Variants in CAST observed in about 807,000 individuals in gnomAD.
CAST encodes calpastatin.
Under a neutral mutation model 119.6 loss-of-function variants are expected in CAST, and 76 were observed. The observed-to-expected ratio is 0.64, with a 90% CI of 0.53 to 0.77. The LOEUF is 0.77. Ranked by LOEUF, CAST falls within the 30% of genes least tolerant of loss-of-function variation. The pLI, the probability that CAST is intolerant of heterozygous loss-of-function variation, is 0.00. For missense variants in CAST, 953 were observed against 946.5 expected (o/e 1.01, Z -0.09); for synonymous variants, 319 against 331.6 (o/e 0.96, Z 0.41).
chr5:96,740,121 A>T lies in CAST; in HGVS notation c.879+3A>T, dbSNP rs760721552. 8 of 1,303,132 alleles carry T rather than the reference A, an allele frequency of 6.1e-6. No individual in the cohort carries two copies. In the South Asian group the frequency reaches 6.4e-5, roughly 10 times the overall value. 80.7% of individuals were successfully genotyped at this position (1,303,132 alleles called of 1,614,324 possible). ...CAAAATATAGGGAACTATTGGCTGT[A>T]AGTTAAATAATCATTTACTTTTATT... On this transcript the variant is annotated splice_donor_region_variant and intron_variant, in intron 12 of 31. Coordinates refer to ENST00000675179, the MANE Select transcript of CAST (RefSeq NM_001750.7).
At chr5:96,272,928 G>A in the CAST span, among the ~76,000 whole-genome samples, 797 of 152,088 alleles carry the variant, frequency 5.2e-3, 7 homozygotes, top group African/African-American at 0.018. Context: ...AGCAAGAGGA[G>A]GATTTCATGA....
intron 1 of CAST, among the ~76,000 whole-genome samples, chr5:96,647,150 G>T (rs184706366): frequency 2.8e-4 from 43 of 152,174 alleles, no homozygotes; most frequent in African/African-American, 1.0e-3. Context: ...TGACATACAC[G>T]GATCGGAGGA....
At chr5:96,484,775 T>G in the CAST span, among the ~76,000 whole-genome samples, 2 of 152,162 alleles carry the variant, frequency 1.3e-5, no homozygotes, top group Admixed American at 6.5e-5. Context: ...ATCATTAGCA[T>G]GATCACAGAC....
the CAST span, among the ~76,000 whole-genome samples, chr5:96,269,460 G>A: frequency 6.6e-6 from 1 of 152,122 alleles, no homozygotes; most frequent in Non-Finnish European, 1.5e-5. Flanking sequence ...GAGAACAAAT[G>A]AGCCTAATTG....
intron 11 of CAST, 102 bp from the exon 12 acceptor site, chr5:96,739,936 C>G: frequency 1.5e-6 from 1 of 651,730 alleles, no homozygotes; most frequent in South Asian, 1.9e-5. Context: ...CTCAGTACTT[C>G]CATAAATTAA....
the CAST span, among the ~76,000 whole-genome samples, chr5:96,048,608 G>C: frequency 6.6e-6 from 1 of 152,106 alleles, no homozygotes; most frequent in African/African-American, 2.4e-5. Flanking sequence ...TCTTCAGTCA[G>C]AGTAGACTGA....
At chr5:96,172,312 C>T in the CAST span, among the ~76,000 whole-genome samples, 1 of 152,162 alleles carries the variant, frequency 6.6e-6, no homozygotes, top group African/African-American at 2.4e-5. Context: ...AAGGCAGGAA[C>T]AGGCCATTTT....
At chr5:96,367,627 C>A in the CAST span, among the ~76,000 whole-genome samples, 2 of 152,066 alleles carry the variant, frequency 1.3e-5, no homozygotes, top group African/African-American at 2.4e-5. Flanking sequence ...CCGTGCCAGG[C>A]GCGGGATATA....
the CAST span, among the ~76,000 whole-genome samples, chr5:96,070,700 G>T: frequency 2.0e-5 from 3 of 152,204 alleles, no homozygotes; most frequent in African/African-American, 7.2e-5. Context: ...CAGCACATCA[G>T]TGTGGAGACA....
At chr5:96,350,719 C>T in the CAST span, among the ~76,000 whole-genome samples, 6 of 152,106 alleles carry the variant, frequency 3.9e-5, no homozygotes, top group African/African-American at 1.4e-4. Context: ...CACTATTCCA[C>T]TCCAACTTCC....
At chr5:96,301,445 C>G in the CAST span, among the ~76,000 whole-genome samples, 1 of 152,142 alleles carries the variant, frequency 6.6e-6, no homozygotes, top group Non-Finnish European at 1.5e-5. Context: ...CCAACAGTCC[C>G]CCAAAGTCTT....
the CAST span, among the ~76,000 whole-genome samples, chr5:96,058,615 C>G: frequency 7.0e-6 from 1 of 143,836 alleles, no homozygotes; most frequent in African/African-American, 2.5e-5. Flanking sequence ...AGTGGATAAT[C>G]TTTATTATGA....
the CAST span, among the ~76,000 whole-genome samples, chr5:96,092,273 T>G: frequency 1.1e-4 from 16 of 152,210 alleles, no homozygotes; most frequent in Admixed American, 5.2e-4. Flanking sequence ...AAAGCGATGC[T>G]CTTATCCTCA....
chr5:96,144,672 ATTTT>A, the CAST span, among the ~76,000 whole-genome samples: 1 of 141,208 alleles, frequency 7.1e-6, no homozygotes, highest in Non-Finnish European at 1.5e-5. Flanking sequence ...CCCAGACACC[ATTTT>A]TTTTTTTTTT....
chr5:96,049,889 C>CAAAAAAA, the CAST span, among the ~76,000 whole-genome samples: 934 of 34,096 alleles, frequency 0.027, 13 homozygotes, highest in East Asian at 0.045. Flanking sequence ...GAACAGGAGG[C>CAAAAAAA]AAAAAAAAAA....
chr5:95,963,829 C>T, the CAST span, among the ~76,000 whole-genome samples: 2 of 148,356 alleles, frequency 1.3e-5, no homozygotes, highest in Non-Finnish European at 3.0e-5. Flanking sequence ...ACAAGTAAAA[C>T]CTGTATCCCA....
At chr5:96,710,703 A>G (rs778821884) in intron 3 of CAST, among the ~76,000 whole-genome samples, 28 of 152,148 alleles carry the variant, frequency 1.8e-4, no homozygotes, top group Non-Finnish European at 3.5e-4. Context: ...ATTCCTGCCT[A>G]TTCTACATAT....
the CAST span, among the ~76,000 whole-genome samples, chr5:96,314,785 C>T: frequency 1.2e-4 from 19 of 152,250 alleles, no homozygotes; most frequent in African/African-American, 4.1e-4. Context: ...CCTTCCTAGA[C>T]GCTGAACTCC....
At chr5:96,328,787 C>G in the CAST span, among the ~76,000 whole-genome samples, 1 of 152,184 alleles carries the variant, frequency 6.6e-6, no homozygotes, top group Admixed American at 6.5e-5. Context: ...CTTACCTTCC[C>G]TTTCTCATTG....
Sources: gnomAD v4.1 joint callset for allele counts (sites outside exome capture counted in the v4.1 genomes callset) on GRCh38, gnomAD v4.1.1 for gene constraint, MANE v1.5 for transcripts, NCBI Gene and HGNC (gene_info 2026-07-23, HGNC 2026-07-21) for gene names.